The following CNTLN variants were observed in gnomAD, a reference collection of about 807,000 sequenced individuals.
The protein encoded by CNTLN is centlein, centrosomal protein.
CNTLN carries 212 observed loss-of-function variants against 180.0 expected under a neutral mutation model. That is an observed-to-expected ratio of 1.18 (90% CI 1.05 to 1.32). The LOEUF is 1.32. Ranked by LOEUF, CNTLN falls within the 40% of genes most tolerant of loss-of-function variation. CNTLN has a pLI of 0.00. For missense variants in CNTLN, 2,095 were observed against 1,610.9 expected (o/e 1.30, Z -5.14); for synonymous variants, 722 against 563.1 (o/e 1.28, Z -3.99).
In CNTLN at chr9:17,416,180, G is replaced by A. The variant is rs1828230632; in HGVS notation, c.3105G>A (p.Gln1035=). ...VSDQRFQTSR[Q]TIKKLNLDLA... is the part of the protein sequence containing the mutation. ...ATCAACGATTTCAGACAAGCAGGCA[G>A]ACAATAAAGGTAAAGAGAACTTTAA... is the stretch of plus-strand genomic sequence containing the variant. The change falls in exon 18 of 26, where the codon CAG becomes CAA. Residue 1035 remains glutamine (Q), a synonymous_variant. Coordinates refer to ENST00000380647, the MANE Select transcript of CNTLN (RefSeq NM_017738.4). 6.2e-7 allele frequency: 1 copy of A among 1,611,432 alleles called. No homozygotes were observed. The highest frequency in any genetic ancestry group is 1.3e-5 in the African/African-American group (1 of 74,674).
chr9:17,376,291 A>G (rs375336954), intron 13 of CNTLN, among the ~76,000 whole-genome samples: 1 of 152,194 alleles, frequency 6.6e-6, no homozygotes, highest in East Asian at 1.9e-4. Flanking sequence ...AAAATTAATG[A>G]CTTTATGTTT....
At chr9:17,289,984 C>T (rs562415811) in intron 6 of CNTLN, among the ~76,000 whole-genome samples, 22 of 151,984 alleles carry the variant, frequency 1.4e-4, no homozygotes, top group South Asian at 8.4e-4. Flanking sequence ...GTAATTTGAT[C>T]GTCTGAAGCC....
chr9:17,263,550 G>A (rs1036016432), intron 5 of CNTLN, among the ~76,000 whole-genome samples: 1 of 151,290 alleles, frequency 6.6e-6, no homozygotes. Flanking sequence ...TCCTTTGGGT[G>A]TATACCCAGT....
At chr9:17,510,991 C>G in the CNTLN span, among the ~76,000 whole-genome samples, 1 of 152,168 alleles carries the variant, frequency 6.6e-6, no homozygotes, top group Non-Finnish European at 1.5e-5. Flanking sequence ...GCAACCCCAC[C>G]AACCATGTCT....
At chr9:17,279,152 T>C (rs1484031211) in intron 6 of CNTLN, among the ~76,000 whole-genome samples, 1 of 152,158 alleles carries the variant, frequency 6.6e-6, no homozygotes, top group Non-Finnish European at 1.5e-5. Context: ...CTGTATACTC[T>C]GGAAATAAGC....
chr9:17,389,810 C>T (rs1825958078), intron 14 of CNTLN, among the ~76,000 whole-genome samples: 2 of 151,894 alleles, frequency 1.3e-5, no homozygotes, highest in African/African-American at 2.4e-5. Context: ...GTCCTGTCCC[C>T]CACATTTATA....
chr9:17,139,602 G>A (rs892172780), intron 1 of CNTLN, among the ~76,000 whole-genome samples: 13 of 151,894 alleles, frequency 8.6e-5, no homozygotes, highest in Non-Finnish European at 1.9e-4. Flanking sequence ...GAAGGTTGCA[G>A]TGCACTGAGG....
chr9:17,352,410 ATATATATTTTTT>A (rs894003646), intron 12 of CNTLN, among the ~76,000 whole-genome samples: 12 of 19,916 alleles, frequency 6.0e-4, no homozygotes, highest in African/African-American at 1.1e-3. Flanking sequence ...ATATATATAT[ATATATATTTTTT>A]TTTTTTTTGG....
chr9:17,394,709 A>T lies in CNTLN; in HGVS notation c.2255A>T (p.Asp752Val). 5 of 1,614,064 alleles carry T rather than the reference A, an allele frequency of 3.1e-6. No individual in the cohort carries two copies. The highest frequency in any genetic ancestry group is 4.2e-6 in the Non-Finnish European group (5 of 1,179,982). Residue 752 changes from aspartate to valine, a missense_variant, in exon 15 of 26, where the codon GAT (aspartate) becomes GTT (valine). Coordinates refer to ENST00000380647, the MANE Select transcript of CNTLN (RefSeq NM_017738.4). Reference protein sequence around the residue: ...ELEQIIKGSKDVEKENTELQV... With the variant: ...ELEQIIKGSKVVEKENTELQV... ...GAACAGATAATAAAGGGGAGTAAAG[A>T]TGTAGAAAAAGAAAATACTGAACTT...
downstream of CNTLN, among the ~76,000 whole-genome samples, chr9:17,508,295 A>G (rs1345639836): frequency 6.6e-6 from 1 of 152,224 alleles, no homozygotes; most frequent in African/African-American, 2.4e-5. Flanking sequence ...CAAAAATAGT[A>G]AGCAGAGTTT....
At chr9:17,489,195 T>TTTAGAAAAG (rs576934449) in intron 25 of CNTLN, among the ~76,000 whole-genome samples, 182 of 152,228 alleles carry the variant, frequency 1.2e-3, no homozygotes, top group African/African-American at 4.2e-3. Context: ...TGTCCTGAAT[T>TTTAGAAAAG]TTAGAAAAGG....
chr9:17,342,016 CG>C (rs763535601), intron 11 of CNTLN, among the ~76,000 whole-genome samples: 1 of 151,756 alleles, frequency 6.6e-6, no homozygotes, highest in South Asian at 2.1e-4. Flanking sequence ...TTTTTGTATG[CG>C]GGGGGGACCG....
At chr9:17,231,162 G>A (rs1165009152) in intron 3 of CNTLN, among the ~76,000 whole-genome samples, 1 of 152,044 alleles carries the variant, frequency 6.6e-6, no homozygotes, top group African/African-American at 2.4e-5. Context: ...TTCCTTATAT[G>A]CTGGACTGGA....
intron 2 of CNTLN, among the ~76,000 whole-genome samples, chr9:17,179,099 C>CCGGGCGT (rs1213150225): frequency 6.7e-6 from 1 of 150,246 alleles, no homozygotes; most frequent in Non-Finnish European, 1.5e-5. Flanking sequence ...AAAAAATTAG[C>CCGGGCGT]CGGGCGTAGT....
At chr9:17,455,815 T>C (rs1831077858) in intron 18 of CNTLN, among the ~76,000 whole-genome samples, 1 of 149,362 alleles carries the variant, frequency 6.7e-6, no homozygotes, top group African/African-American at 2.5e-5. Flanking sequence ...GGCAGGCAGG[T>C]TTGGGGAATG....
chr9:17,387,391 A>G (rs531721277), intron 13 of CNTLN, among the ~76,000 whole-genome samples: 27 of 152,232 alleles, frequency 1.8e-4, no homozygotes, highest in African/African-American at 6.5e-4. Context: ...TGTTAGTAAA[A>G]TTTGTCATAG....
At chr9:17,360,128 G>A (rs1322761042) in intron 12 of CNTLN, among the ~76,000 whole-genome samples, 1 of 152,082 alleles carries the variant, frequency 6.6e-6, no homozygotes, top group Non-Finnish European at 1.5e-5. Flanking sequence ...ATTTTGAAGT[G>A]TATTTTAAAT....
chr9:17,270,323 G>A (rs796383510), intron 5 of CNTLN, among the ~76,000 whole-genome samples: 1 of 151,938 alleles, frequency 6.6e-6, no homozygotes, highest in East Asian at 1.9e-4. Flanking sequence ...TTTTTAAATC[G>A]TAAGGTGTTG....
Position 17,298,211 on chromosome 9 carries a change from G to T in CNTLN, c.1005G>T (p.Gln335His). 6.5e-7 allele frequency: 1 copy of T among 1,534,094 alleles called. No homozygotes were observed. Among genetic ancestry groups the T allele is most frequent in the Non-Finnish European group, 8.8e-7 (1 of 1,142,524 alleles). The change falls in exon 7 of 26, where the codon CAG (glutamine) becomes CAT (histidine). Residue 335 changes from glutamine (Q) to histidine (H), a missense_variant. By Grantham distance (24) the Gln-to-His change is conservative (BLOSUM62 0). Coordinates refer to ENST00000380647, the MANE Select transcript of CNTLN (RefSeq NM_017738.4). ...TLVRKELQEL[Q>H]NLYKQNSTHT... Reference sequence around the variant, plus strand: ...ACAGGAAGGAACTGCAGGAGCTGCAGAATCTTTACAAACAGAACAGTACAC... The same window carrying T: ...ACAGGAAGGAACTGCAGGAGCTGCATAATCTTTACAAACAGAACAGTACAC...
Sources: gnomAD v4.1 joint callset for allele counts (sites outside exome capture counted in the v4.1 genomes callset) on GRCh38, gnomAD v4.1.1 for gene constraint, MANE v1.5 for transcripts, NCBI Gene and HGNC (gene_info 2026-07-23, HGNC 2026-07-21) for gene names.